CYP2A7: variants seen among roughly 807,000 people sequenced by gnomAD.
CYP2A7 encodes the protein cytochrome P450 family 2 subfamily A member 7, also known as cytochrome P450 2A7.
Under a neutral mutation model 42.0 loss-of-function variants are expected in CYP2A7, and 36 were observed. That is an observed-to-expected ratio of 0.86 (90% confidence interval 0.66 to 1.13). The LOEUF (loss-of-function observed/expected upper bound fraction) is 1.13, where lower values mean the gene tolerates loss of function less well. CYP2A7 is among the 50% of genes most tolerant of loss of function. The pLI is 0.00. For synonymous variants in CYP2A7, 260 were observed against 249.5 expected, an observed-to-expected ratio of 1.04 and a Z score of -0.40; for missense variants, 661 against 634.1, an observed-to-expected ratio of 1.04 and a Z score of -0.46.
At chr19:40,877,485 G>T in intron 6 of CYP2A7, 108 bp from the exon 7 acceptor site, 1 of 1,484,372 alleles carries the variant, frequency 6.7e-7, no homozygotes, top group Non-Finnish European at 9.1e-7. Context: ...CTATGAGACG[G>T]AGGTAGAGCA....
chr19:40,880,344 C>G, intron 3 of CYP2A7, 100 bp from the exon 4 acceptor site: 1 of 1,545,316 alleles, frequency 6.5e-7, no homozygotes, highest in Admixed American at 1.9e-5. Flanking sequence ...AGCCAAATTC[C>G]CAGCGCCAGA....
At chr19:40,878,357 G>T (rs1967583421) in intron 5 of CYP2A7, among the ~76,000 whole-genome samples, 1 of 151,694 alleles carries the variant, frequency 6.6e-6, no homozygotes, top group African/African-American at 2.4e-5. Context: ...ACACGCGCAT[G>T]ACCATGCAGG....
At position 40,880,099 on chromosome 19, in the gene CYP2A7, T is replaced by C; in HGVS notation, c.639A>G (p.Ser213=). 2 of 1,612,858 alleles carry C rather than the reference T, an allele frequency of 1.2e-6. No homozygotes were observed. Among genetic ancestry groups the C allele is most frequent in the South Asian group, 2.2e-5 (2 of 91,010 alleles). ...AGCCAGTTACCTGCCCCGTGGAGGT[T>C]GACGTGAACTGGAAGATTCCTAGCA... The part of the protein sequence containing the change: ...SMMLGIFQFT[S]TSTGQLYEMF... The change falls in exon 4 of 9, where the codon TCA becomes TCG. Residue 213 remains serine (S), a synonymous_variant. Transcript: ENST00000301146.
At position 40,880,798 on chromosome 19, in the gene CYP2A7, GGAGAGAGAGAGAGAGA is replaced by G. The variant is rs1171374070; in HGVS notation, c.344-186_344-171del. Among the ~76,000 whole-genome samples the G allele has an allele frequency of 6.6e-4, 18 of 27,444 alleles. 1 individual carries two copies. Among genetic ancestry groups the G allele is most frequent in the East Asian group, 4.2e-3 (5 of 1,188 alleles). The allele number at this position is 27,444 out of a possible 152,430, so 18.0% of individuals were successfully genotyped here. A position where few individuals can be genotyped will look rare whatever the true frequency, so the allele number is the denominator to read the frequency against. On this transcript the variant is annotated intron_variant, in intron 2 of 8. Coordinates refer to ENST00000301146, the MANE Select transcript of CYP2A7 (RefSeq NM_000764.3). ...GCAAACTCAGTCAGAGAAACACGAG[GGAGAGAGAGAGAGAGA>G]GAGAGAGAGAGAGAGAGAGAGAGAG... is the stretch of plus-strand genomic sequence containing the variant.
At chr19:40,875,935 G>C (rs11083575) in intron 8 of CYP2A7, 61 bp from the exon 9 acceptor site, 757,155 of 1,414,500 alleles carry the variant, frequency 0.54, 161,721 homozygotes, top group Non-Finnish European at 0.55. Context: ...CCTCGCCCCA[G>C]TACCGACCTC....
At chr19:40,877,094 G>A (rs1967550006) in intron 7 of CYP2A7, 96 bp downstream of exon 7, 4 of 1,389,080 alleles carry the variant, frequency 2.9e-6, no homozygotes, top group African/African-American at 2.8e-5. Context: ...TGAGGGAGTG[G>A]GACAGTGAGT....
chr19:40,880,706 C>G, intron 2 of CYP2A7, 78 bp from the exon 3 acceptor site: 2 of 1,496,700 alleles, frequency 1.3e-6, no homozygotes, highest in East Asian at 4.8e-5. Flanking sequence ...AGGGGCTCCC[C>G]AAGGGTGGAG....
In CYP2A7 at chr19:40,875,667, C is replaced by T. The variant is rs1459528905; in HGVS notation, c.*26G>A. The T allele has an allele frequency of 6.2e-7, 1 of 1,611,006 alleles. No homozygotes were observed. The stretch of plus-strand genomic sequence containing the variant: ...CCCGCCTTTCCCTGGCCCCGCCCAC[C>T]AGACCTGCACCGGCACAGCCCTCGC... On this transcript the variant is annotated 3_prime_UTR_variant, in exon 9 of 9. Transcript: ENST00000301146.
intron 7 of CYP2A7, 156 bp downstream of exon 7, chr19:40,877,034 G>GTT (rs1967548786): frequency 1.2e-6 from 1 of 823,218 alleles, no homozygotes; most frequent in Non-Finnish European, 1.9e-6. Context: ...GAGTGTCTAA[G>GTT]TGGAAAGGTG....
intron 4 of CYP2A7, among the ~76,000 whole-genome samples, chr19:40,879,642 TC>T (rs1967610242): frequency 6.6e-6 from 1 of 151,506 alleles, no homozygotes; most frequent in African/African-American, 2.4e-5. Flanking sequence ...GGCCAGATAT[TC>T]CAGTGGGCTA....
At chr19:40,879,626 G>A (rs1967609798) in intron 4 of CYP2A7, among the ~76,000 whole-genome samples, 1 of 151,438 alleles carries the variant, frequency 6.6e-6, no homozygotes, top group Non-Finnish European at 1.5e-5. Flanking sequence ...GAAGTAGAGG[G>A]CGCTTGGCCA....
In CYP2A7 at chr19:40,875,713, T is replaced by A. The variant is rs141182893; in HGVS notation, c.1465A>T (p.Met489Leu). The A allele has an allele frequency of 6.2e-7, 1 of 1,608,954 alleles. No homozygotes were observed. Among genetic ancestry groups the A allele is most frequent in the African/African-American group, 1.3e-5 (1 of 74,590 alleles). ...CTCGCTCAGCGGGGCAGGAAGCTCA[T>A]GGTGTAGTTTCGTGGGATCGTGGCA... Reference protein sequence around the residue: ...VFATIPRNYTMSFLPR With the variant: ...VFATIPRNYTLSFLPR The change falls in exon 9 of 9, where the codon ATG becomes TTG. Residue 489 changes from methionine (M) to leucine (L), a missense_variant. Physicochemically the swap from Met to Leu is conservative, Grantham distance 15. Around this residue, in one of 3 missense-constraint regions of CYP2A7, gnomAD observed 22 missense variants for 19.3 expected, o/e 1.14. Coordinates refer to ENST00000301146, the MANE Select transcript of CYP2A7 (RefSeq NM_000764.3).
chr19:40,875,828 A>C lies in CYP2A7; in HGVS notation c.1350T>G (p.Phe450Leu), dbSNP rs1441801702. Residue 450 changes from phenylalanine (F) to leucine (L), a missense_variant, in exon 9 of 9, where the codon TTT (phenylalanine) becomes TTG (leucine). Around this residue, in one of 3 missense-constraint regions of CYP2A7, gnomAD observed 25 missense variants for 62.4 expected, o/e 0.40. Transcript: ENST00000301146. Reference sequence around the variant, plus strand: ...TCTGCATGACGGTGGTGAAGAAGAGAAAGAGCTCCATTCTGGCCAGGCCTT... The same window carrying C: ...TCTGCATGACGGTGGTGAAGAAGAGCAAGAGCTCCATTCTGGCCAGGCCTT... ...FGEGLARMEL[F>L]LFFTTVMQNF... The C allele has an allele frequency of 1.3e-6, 2 of 1,591,096 alleles. No individual in the cohort carries two copies. Among genetic ancestry groups the C allele is most frequent in the South Asian group, 2.3e-5 (2 of 88,494 alleles).
rs374903890 is a variant in CYP2A7 at position 40,876,554 on chromosome 19, T to G, written c.1276A>C (p.Ser426Arg). ...FLDDKGQFKK[S>R]DAFVPFSIGK... ...ATGGAAAAGGGCACAAAAGCATCAC[T>G]CTTCTTAAACTGCCCCTTGTCATCC... is the stretch of plus-strand genomic sequence containing the variant. Residue 426 changes from serine (S) to arginine (R), a missense_variant, in exon 8 of 9, where the codon AGT (serine) becomes CGT (arginine). Coordinates refer to ENST00000301146, the MANE Select transcript of CYP2A7 (RefSeq NM_000764.3). 1 of 1,613,006 alleles carries G rather than the reference T, an allele frequency of 6.2e-7. No individual in the cohort carries two copies. Among genetic ancestry groups the G allele is most frequent in the Non-Finnish European group, 8.5e-7 (1 of 1,179,272 alleles).
chr19:40,879,180 C>T lies in CYP2A7; in HGVS notation c.655-244G>A, dbSNP rs1436562768. On this transcript the variant is annotated intron_variant, in intron 4 of 8. Coordinates refer to ENST00000301146, the MANE Select transcript of CYP2A7 (RefSeq NM_000764.3). ...GGCATATATCCAGGTTTCAGGTATG[C>T]AAATGAGGCTGGATTGGAGCACACA... Among the ~76,000 whole-genome samples, 5 of 151,820 alleles carry T rather than the reference C, an allele frequency of 3.3e-5. No individual in the cohort carries two copies. The South Asian group carries it at 8.3e-4, about 25-fold the overall frequency.
Position 40,879,087 on chromosome 19 carries a change from T to C in CYP2A7, c.655-151A>G, listed in dbSNP as rs763968130. On this transcript the variant is annotated intron_variant, in intron 4 of 8. Coordinates refer to ENST00000301146, the MANE Select transcript of CYP2A7 (RefSeq NM_000764.3). ...ATTTCAGTGGGGTCGGATAGGAACT[T>C]ATATCTAAGTTTTCAGGAAGGTTAG... 138 of 1,235,568 alleles carry C rather than the reference T, an allele frequency of 1.1e-4. 1 individual carries two copies. Among genetic ancestry groups the C allele is most frequent in the Middle Eastern group, 2.8e-4 (1 of 3,514 alleles). The allele number at this position is 1,235,568 out of a possible 1,614,324, so 76.5% of individuals were successfully genotyped here.
At position 40,882,206 on chromosome 19, in the gene CYP2A7, A is replaced by T. The variant is rs546812771; in HGVS notation, c.5T>A (p.Leu2Gln). The T allele has an allele frequency of 8.9e-5, 143 of 1,613,698 alleles. 1 individual carries two copies. In the South Asian group the frequency reaches 1.4e-3, roughly 16 times the overall value. Residue 2 changes from leucine (L) to glutamine (Q), a missense_variant, in exon 1 of 9, where the codon CTG becomes CAG. Coordinates refer to ENST00000301146, the MANE Select transcript of CYP2A7 (RefSeq NM_000764.3). The part of the protein sequence containing the change: M[L>Q]ASGLLLVALL... Reference sequence around the variant, plus strand: ...GGCCACCAGAAGCAGCCCTGAGGCCAGCATGGTGGTAGTGAGATGACAGAT... The same window carrying T: ...GGCCACCAGAAGCAGCCCTGAGGCCTGCATGGTGGTAGTGAGATGACAGAT...
At chr19:40,877,123 G>A in intron 7 of CYP2A7, 67 bp downstream of exon 7, 1 of 1,561,004 alleles carries the variant, frequency 6.4e-7, no homozygotes, top group Non-Finnish European at 8.8e-7. Flanking sequence ...TCTAATGGGG[G>A]CAGGATTCTG....
intron 3 of CYP2A7, 81 bp from the exon 4 acceptor site, chr19:40,880,325 G>A (rs918097801): frequency 5.2e-6 from 8 of 1,547,272 alleles, no homozygotes; most frequent in Non-Finnish European, 7.0e-6. Context: ...AGGAGGCAGG[G>A]CCTTGTTGAG....
Sources: gnomAD v4.1 joint callset for allele counts (sites outside exome capture counted in the v4.1 genomes callset) on GRCh38, gnomAD v4.1.1 for gene constraint, gnomAD v4.1.1 regional missense constraint, MANE v1.5 for transcripts, NCBI Gene and HGNC (gene_info 2026-07-23, HGNC 2026-07-21) for gene names.